BANP: variants seen among roughly 807,000 people sequenced by gnomAD.
BANP encodes the protein BTG3 associated nuclear protein, also known as protein BANP.
Under a neutral mutation model 68.1 loss-of-function variants are expected in BANP, and 11 were observed. That is an observed-to-expected ratio of 0.16 (90% CI 0.10 to 0.27). The LOEUF is 0.27. Ranked by LOEUF, BANP falls within the 10% of genes least tolerant of loss-of-function variation. The pLI, the probability that BANP is intolerant of heterozygous loss-of-function variation, is 1.00. For synonymous variants in BANP, 329 were observed against 303.2 expected, an observed-to-expected ratio of 1.09 and a Z score of -0.88; for missense variants, 504 against 722.7, an observed-to-expected ratio of 0.70 and a Z score of 3.47.
intron 4 of BANP, among the ~76,000 whole-genome samples, chr16:87,992,181 C>T (rs996137224): frequency 1.1e-4 from 17 of 152,164 alleles, no homozygotes; most frequent in African/African-American, 3.6e-4. Flanking sequence ...GAATGCTAAC[C>T]GAACCTTGCA....
intron 2 of BANP, chr16:87,980,739 A>G (rs2063100033): frequency 6.6e-6 from 2 of 301,972 alleles, no homozygotes; most frequent in Admixed American, 9.4e-5. Flanking sequence ...GGGTTTTCTC[A>G]AACCAAACAG....
rs1283158263 is a variant in BANP, at chr16:88,036,887, G to C, written c.1273-1086G>C. Among the ~76,000 whole-genome samples the C allele has an allele frequency of 6.6e-6, 1 of 152,160 alleles. No individual in the cohort carries two copies. Among genetic ancestry groups the C allele is most frequent in the Non-Finnish European group, 1.5e-5 (1 of 68,022 alleles). The stretch of plus-strand genomic sequence containing the variant: ...CTTGGAGATGTCAGGAGATGCGCCT[G>C]TCAGCTCAGCGAGGTCAGGTGCAGG... On this transcript the variant is annotated intron_variant, in intron 10 of 13. Transcript: ENST00000682872. This position sits in a 1 kb window ranked among gnomAD's most constrained non-coding sequence, Gnocchi z 4.2.
At chr16:87,967,764 G>C (rs1324470996) in intron 1 of BANP, among the ~76,000 whole-genome samples, 1 of 151,960 alleles carries the variant, frequency 6.6e-6, no homozygotes, top group Non-Finnish European at 1.5e-5. Context: ...TGGGAATACA[G>C]GGCGTGTGCC....
chr16:88,074,400 G>A (rs1247728736), intron 13 of BANP, among the ~76,000 whole-genome samples: 1 of 152,168 alleles, frequency 6.6e-6, no homozygotes, highest in South Asian at 2.1e-4. Flanking sequence ...GTGGAGAGTG[G>A]GGCCTGTTCC....
intron 13 of BANP, among the ~76,000 whole-genome samples, chr16:88,074,325 GAGA>G (rs1276490097): frequency 6.6e-6 from 1 of 152,212 alleles, no homozygotes; most frequent in African/African-American, 2.4e-5. Flanking sequence ...GCCTGGCTCT[GAGA>G]AGATGGGTTC....
At position 88,002,070 on chromosome 16, in the gene BANP, C is replaced by G. The variant is rs548588723; in HGVS notation, c.363-2225C>G. Among the ~76,000 whole-genome samples, 10 of 152,230 alleles carry G rather than the reference C, an allele frequency of 6.6e-5. No homozygotes were observed. The East Asian group carries it at 9.7e-4, about 15-fold the overall frequency. On this transcript the variant is annotated intron_variant, in intron 4 of 13. Coordinates refer to ENST00000682872, the MANE Select transcript of BANP (RefSeq NM_001386991.1). The surrounding 1 kb of genome is among the most constrained non-coding windows in gnomAD (Gnocchi z 4.6). ...ATACTAGGAATGTATTTTTGAAGAG[C>G]TGGATAGGGCTTTTTGGTTAATTAT...
chr16:87,972,562 C>T (rs2061326914), intron 1 of BANP, among the ~76,000 whole-genome samples: 1 of 152,058 alleles, frequency 6.6e-6, no homozygotes, highest in Admixed American at 6.6e-5. Flanking sequence ...TCAGTAGTTT[C>T]TGTTGCTCAT....
intron 1 of BANP, among the ~76,000 whole-genome samples, chr16:87,953,375 C>G (rs62053960): frequency 0.011 from 1,615 of 152,206 alleles, 18 homozygotes; most frequent in Non-Finnish European, 0.017. Context: ...GTAAGCTGAT[C>G]CTTTTTATTT....
chr16:87,990,971 C>T (rs2065760229), intron 4 of BANP, among the ~76,000 whole-genome samples: 1 of 152,178 alleles, frequency 6.6e-6, no homozygotes, highest in African/African-American at 2.4e-5. Context: ...ACCGTGTTAG[C>T]CAGGATGGTC....
rs2070136923 is a variant in BANP, at chr16:88,003,786, G to A, written c.363-509G>A. ...TGTGTCCTTCCATCCCAAGTCCAAC[G>A]TGATGTTTGCCCCTTTCTTTCCAGG... On this transcript the variant is annotated intron_variant, in intron 4 of 13. Transcript: ENST00000682872. The surrounding 1 kb of genome is among the most constrained non-coding windows in gnomAD (Gnocchi z 6.1). 2 of 315,742 alleles carry A rather than the reference G, an allele frequency of 6.3e-6. No individual in the cohort carries two copies. Among genetic ancestry groups the A allele is most frequent in the African/African-American group, 2.2e-5 (1 of 45,728 alleles). 19.6% of individuals were successfully genotyped at this position (315,742 alleles called of 1,614,324 possible).
intron 9 of BANP, 41 bp downstream of exon 9, chr16:88,033,286 GC>G: frequency 6.7e-7 from 1 of 1,498,902 alleles, no homozygotes. Flanking sequence ...AAAGGGGGCT[GC>G]GGGGTGGGCC....
intron 11 of BANP, among the ~76,000 whole-genome samples, chr16:88,039,995 C>A (rs147106376): frequency 1.3e-3 from 191 of 152,280 alleles, no homozygotes; most frequent in African/African-American, 4.1e-3. Context: ...TATAAATCAC[C>A]TGTTTTTGTC....
At chr16:88,034,251 C>A (rs2078824767) in intron 9 of BANP, among the ~76,000 whole-genome samples, 1 of 152,186 alleles carries the variant, frequency 6.6e-6, no homozygotes, top group Non-Finnish European at 1.5e-5. Context: ...GTTTGACATT[C>A]ACAACGGCAG....
intron 11 of BANP, among the ~76,000 whole-genome samples, chr16:88,044,859 GTAGTCTCAGCTAC>G (rs1384844381): frequency 2.6e-5 from 4 of 152,118 alleles, no homozygotes; most frequent in African/African-American, 9.7e-5. Context: ...GCAGGCGCCT[GTAGTCTCAGCTAC>G]TCGGGAGGCT....
In BANP at chr16:87,961,394, A is replaced by G. The variant is rs149936394; in HGVS notation, c.-69+9879A>G. ...GCCCGGGTTGGTCTCGAACTCCTGG[A>G]CTCACAGAATCTGCACCCCCCCGGG... On this transcript the variant is annotated intron_variant, in intron 1 of 13. Coordinates refer to ENST00000682872, the MANE Select transcript of BANP (RefSeq NM_001386991.1). 4.5e-3 allele frequency among the ~76,000 whole-genome samples: 658 copies of G among 145,994 alleles called. 12 individuals are homozygous for G. The highest frequency in any genetic ancestry group is 0.015 in the African/African-American group (572 of 39,354).
At chr16:88,039,627 G>A (rs1289160096) in intron 11 of BANP, among the ~76,000 whole-genome samples, 1 of 142,020 alleles carries the variant, frequency 7.0e-6, no homozygotes, top group Non-Finnish European at 1.6e-5. Flanking sequence ...CAGTGCTTCT[G>A]TTTATGATTG....
At chr16:88,053,638 A>G (rs1247985376) in intron 11 of BANP, among the ~76,000 whole-genome samples, 1 of 148,470 alleles carries the variant, frequency 6.7e-6, no homozygotes, top group Non-Finnish European at 1.5e-5. Flanking sequence ...CTTCACTATC[A>G]TCACCATCAC....
intron 1 of BANP, among the ~76,000 whole-genome samples, chr16:87,965,582 A>G (rs367726301): frequency 2.9e-3 from 266 of 93,140 alleles, no homozygotes; most frequent in African/African-American, 0.01. Flanking sequence ...CAGAGGGTCC[A>G]GGAGTAGGGG....
chr16:88,071,893 G>A lies in BANP; in HGVS notation c.1378-176G>A, dbSNP rs1355448857. The stretch of plus-strand genomic sequence containing the variant: ...TCTCACTGGATCTGATGCGACTTGA[G>A]AGCGATGGGGAGACAGGATGTGCCG... On this transcript the variant is annotated intron_variant, in intron 12 of 13. Coordinates refer to ENST00000682872, the MANE Select transcript of BANP (RefSeq NM_001386991.1). This position sits in a 1 kb window ranked among gnomAD's most constrained non-coding sequence, Gnocchi z 6.5. 1 of 821,812 alleles carries A rather than the reference G, an allele frequency of 1.2e-6. No individual in the cohort carries two copies. The highest frequency in any genetic ancestry group is 2.7e-5 in the East Asian group (1 of 37,718). The allele number at this position is 821,812 out of a possible 1,614,324, so 50.9% of individuals were successfully genotyped here.
Sources: allele counts gnomAD v4.1 joint callset (sites outside exome capture counted in the v4.1 genomes callset), GRCh38; gene constraint gnomAD v4.1.1; non-coding constraint Gnocchi (gnomAD v3.1); transcripts MANE v1.5; gene names NCBI Gene and HGNC (gene_info 2026-07-23, HGNC 2026-07-21).